The following MARK3 variants were observed in gnomAD, a reference collection of about 807,000 sequenced individuals.
MARK3 encodes MAP/microtubule affinity-regulating kinase 3.
In MARK3, 46 loss-of-function variants were observed where a neutral mutation model predicts 90.1. That is an observed-to-expected ratio of 0.51 (90% CI 0.40 to 0.65). The LOEUF (loss-of-function observed/expected upper bound fraction) is 0.65. MARK3 is among the 30% of genes least tolerant of loss of function. The probability of loss-of-function intolerance (pLI) is 0.00; values close to 1 mark genes in which losing one functional copy is unlikely to be tolerated. For synonymous variants in MARK3, 321 were observed against 332.6 expected (o/e 0.97, Z 0.38); for missense variants, 818 against 947.2 (o/e 0.86, Z 1.79).
intron 14 of MARK3, among the ~76,000 whole-genome samples, chr14:103,487,904 C>T (rs1388506729): frequency 3.3e-5 from 5 of 151,980 alleles, no homozygotes; most frequent in African/African-American, 4.8e-5. Context: ...AAAAATTAGC[C>T]GGGCGTGGTG....
chr14:103,449,768 T>TA (rs1595730989), intron 4 of MARK3, among the ~76,000 whole-genome samples: 1 of 152,200 alleles, frequency 6.6e-6, no homozygotes, highest in Non-Finnish European at 1.5e-5. Flanking sequence ...ATAGGGCTTT[T>TA]AAAAAATTAC....
intron 6 of MARK3, among the ~76,000 whole-genome samples, chr14:103,461,494 G>A (rs923353116): frequency 3.9e-5 from 6 of 152,178 alleles, no homozygotes; most frequent in African/African-American, 1.2e-4. Context: ...AATAGTGCAC[G>A]TAGTAGTTTT....
chr14:103,402,108 G>C (rs1394400026), intron 1 of MARK3, among the ~76,000 whole-genome samples: 1 of 152,158 alleles, frequency 6.6e-6, no homozygotes, highest in Non-Finnish European at 1.5e-5. Flanking sequence ...CACTGTTTCA[G>C]GTTTGGGGAA....
chr14:103,426,872 C>T (rs2092420563), intron 2 of MARK3, among the ~76,000 whole-genome samples: 1 of 142,612 alleles, frequency 7.0e-6, no homozygotes, highest in African/African-American at 2.6e-5. Context: ...TCTTTAACTG[C>T]CCAAAGGGCT....
intron 14 of MARK3, 118 bp from the exon 15 acceptor site, chr14:103,491,659 T>C (rs2094018285): frequency 1.9e-6 from 2 of 1,073,808 alleles, no homozygotes; most frequent in African/African-American, 3.2e-5. Context: ...TCCTATAAAA[T>C]ACCCCTTGGA....
At chr14:103,434,228 T>C (rs1595659997) in intron 3 of MARK3, among the ~76,000 whole-genome samples, 1 of 152,152 alleles carries the variant, frequency 6.6e-6, no homozygotes, top group African/African-American at 2.4e-5. Context: ...TCAACTAAAA[T>C]TGTATAGCCA....
At chr14:103,401,703 G>A (rs931250670) in intron 1 of MARK3, among the ~76,000 whole-genome samples, 2 of 152,196 alleles carry the variant, frequency 1.3e-5, no homozygotes, top group Non-Finnish European at 2.9e-5. Context: ...AGGGAAGGGA[G>A]TGCAGTCCTC....
chr14:103,440,471 G>T (rs1465745396), intron 3 of MARK3, among the ~76,000 whole-genome samples: 1 of 152,124 alleles, frequency 6.6e-6, no homozygotes, highest in East Asian at 1.9e-4. Context: ...ATCAAAATTT[G>T]ATTTTCTCTG....
chr14:103,415,320 G>A (rs902916646), intron 2 of MARK3, among the ~76,000 whole-genome samples: 4 of 152,054 alleles, frequency 2.6e-5, no homozygotes, highest in African/African-American at 9.7e-5. Flanking sequence ...CCTAGTTATG[G>A]TGTAAGTTCA....
In MARK3 at chr14:103,386,043, C is replaced by T. The variant is rs759014038; in HGVS notation, c.14C>T (p.Thr5Ile). Residue 5 changes from threonine (T) to isoleucine (I), a missense_variant, in exon 1 of 18, where the codon ACC becomes ATC. By Grantham distance (89) the Thr-to-Ile change is moderately conservative. Around this residue, in one of 3 missense-constraint regions of MARK3, gnomAD observed 157 missense variants for 158.7 expected, o/e 0.99. Transcript: ENST00000429436. MSTR[T>I]PLPTVNERDT... is the part of the protein sequence containing the mutation. ...AAGTGCAGTAAAATGTCCACTAGGACCCCATTGCCAACGGTGAATGAACGA... is the reference window on the plus strand; with the variant it reads ...AAGTGCAGTAAAATGTCCACTAGGATCCCATTGCCAACGGTGAATGAACGA... 2 of 1,614,046 alleles carry T rather than the reference C, an allele frequency of 1.2e-6. No homozygotes were observed. Among genetic ancestry groups the T allele is most frequent in the East Asian group, 2.2e-5 (1 of 44,886 alleles).
intron 1 of MARK3, among the ~76,000 whole-genome samples, chr14:103,396,425 C>T (rs932869510): frequency 3.3e-5 from 5 of 151,670 alleles, no homozygotes; most frequent in Non-Finnish European, 5.9e-5. Flanking sequence ...TGGCTTTTTT[C>T]CTTATGCCTT....
At chr14:103,501,549 ACT>A (rs1491372265) in intron 17 of MARK3, among the ~76,000 whole-genome samples, 1 of 151,766 alleles carries the variant, frequency 6.6e-6, no homozygotes. Flanking sequence ...CAAAACAAAC[ACT>A]CTTCCCTATC....
At chr14:103,419,452 A>AC (rs1405408279) in intron 2 of MARK3, among the ~76,000 whole-genome samples, 1 of 152,218 alleles carries the variant, frequency 6.6e-6, no homozygotes, top group Non-Finnish European at 1.5e-5. Context: ...AATGTAAATA[A>AC]CATATTTTTA....
chr14:103,450,347 C>T (rs551129495), intron 4 of MARK3, among the ~76,000 whole-genome samples: 4 of 151,990 alleles, frequency 2.6e-5, no homozygotes, highest in Admixed American at 6.6e-5. Context: ...CGTCCTCCCG[C>T]CCCCCACAAA....
chr14:103,387,875 G>A (rs1218962697), intron 1 of MARK3, among the ~76,000 whole-genome samples: 1 of 152,122 alleles, frequency 6.6e-6, no homozygotes, highest in African/African-American at 2.4e-5. Flanking sequence ...TTTCTAAACT[G>A]AAGCCAAAAA....
At chr14:103,478,728 G>A (rs553797283) in intron 13 of MARK3, among the ~76,000 whole-genome samples, 10 of 151,990 alleles carry the variant, frequency 6.6e-5, no homozygotes, top group African/African-American at 1.4e-4. Context: ...TAGTAGAGAC[G>A]GGGTTTCTCC....
chr14:103,469,213 G>C (rs542339252), intron 12 of MARK3: 9 of 150,474 alleles, frequency 6.0e-5, no homozygotes, highest in African/African-American at 2.2e-4. Flanking sequence ...ATGGAATCTG[G>C]CTCTGTCGCC....
intron 12 of MARK3, among the ~76,000 whole-genome samples, chr14:103,472,100 A>G (rs368964844): frequency 6.6e-6 from 1 of 151,412 alleles, no homozygotes; most frequent in East Asian, 2.0e-4. Context: ...AGTCCCAGCT[A>G]CTCAGGAGGC....
intron 1 of MARK3, among the ~76,000 whole-genome samples, chr14:103,388,139 C>T (rs1392319286): frequency 6.6e-6 from 1 of 152,202 alleles, no homozygotes; most frequent in African/African-American, 2.4e-5. Flanking sequence ...CCATGTTGGT[C>T]GTGCTGGTCT....
Sources: allele counts gnomAD v4.1 joint callset (sites outside exome capture counted in the v4.1 genomes callset), GRCh38; gene constraint gnomAD v4.1.1; regional missense constraint gnomAD v4.1.1; transcripts MANE v1.5; gene names NCBI Gene and HGNC (gene_info 2026-07-23, HGNC 2026-07-21).